Variants in RNFT2 observed in about 807,000 individuals in gnomAD.
The protein encoded by RNFT2 is E3 ubiquitin-protein ligase RNFT2.
A neutral mutation model predicts 53.0 loss-of-function variants in RNFT2; 36 were observed. The ratio of observed to expected loss-of-function variants is 0.68; its 90% confidence interval spans 0.52 to 0.90. The LOEUF is 0.90. RNFT2 is among the 40% of genes least tolerant of loss of function. The probability of loss-of-function intolerance (pLI) is 0.00; values close to 1 mark genes in which losing one functional copy is unlikely to be tolerated. For missense variants in RNFT2, 514 were observed against 585.6 expected, an observed-to-expected ratio of 0.88 and a Z score of 1.26; for synonymous variants, 260 against 253.2, an observed-to-expected ratio of 1.03 and a Z score of -0.26.
intron 7 of RNFT2, among the ~76,000 whole-genome samples, chr12:116,790,267 T>C (rs1874173696): frequency 6.6e-6 from 1 of 152,196 alleles, no homozygotes; most frequent in Non-Finnish European, 1.5e-5. Flanking sequence ...TGTTAAGCAA[T>C]GCCATTTGTT....
At chr12:116,746,973 G>C (rs887252208) in intron 3 of RNFT2, among the ~76,000 whole-genome samples, 10 of 152,216 alleles carry the variant, frequency 6.6e-5, no homozygotes, top group Non-Finnish European at 4.4e-5. Context: ...TCAGCCTTTT[G>C]TATCTGTGGG....
intron 7 of RNFT2, among the ~76,000 whole-genome samples, chr12:116,805,921 A>T (rs1316105463): frequency 2.0e-5 from 3 of 152,244 alleles, no homozygotes; most frequent in Non-Finnish European, 4.4e-5. Flanking sequence ...AGATGTTAAC[A>T]ACATTTACAA....
intron 10 of RNFT2, among the ~76,000 whole-genome samples, chr12:116,839,294 T>C (rs1346346045): frequency 6.6e-6 from 1 of 151,190 alleles, no homozygotes; most frequent in Non-Finnish European, 1.5e-5. Context: ...CAGTAAATAT[T>C]GGATGGATGG....
chr12:116,759,572 T>A (rs1252504916), intron 5 of RNFT2, among the ~76,000 whole-genome samples: 2 of 152,122 alleles, frequency 1.3e-5, no homozygotes, highest in Non-Finnish European at 2.9e-5. Context: ...TTGGTACTCT[T>A]CCCCCTTTTC....
intron 5 of RNFT2, among the ~76,000 whole-genome samples, chr12:116,756,498 G>A (rs927554229): frequency 6.6e-6 from 1 of 152,072 alleles, no homozygotes; most frequent in African/African-American, 2.4e-5. Flanking sequence ...ACTAAGGTAT[G>A]TCCCTTGTAT....
chr12:116,760,205 A>G (rs1336927484), intron 5 of RNFT2, among the ~76,000 whole-genome samples: 1 of 152,128 alleles, frequency 6.6e-6, no homozygotes, highest in African/African-American at 2.4e-5. Context: ...CATGCCCACC[A>G]CAACAGCCCC....
chr12:116,836,149 A>G (rs1248578549), intron 9 of RNFT2, 32 bp from the exon 10 acceptor site: 9 of 1,591,816 alleles, frequency 5.7e-6, no homozygotes, highest in South Asian at 1.1e-5. Context: ...AAGGGCGCCC[A>G]TAGCTGTATT....
At chr12:116,835,807 G>C (rs1565874227) in intron 8 of RNFT2, among the ~76,000 whole-genome samples, 153 bp from the exon 9 acceptor site, 1 of 152,246 alleles carries the variant, frequency 6.6e-6, no homozygotes, top group African/African-American at 2.4e-5. Flanking sequence ...ATGCAACACT[G>C]TTGGGAAGGA....
chr12:116,777,413 G>A (rs1873485820), intron 6 of RNFT2, among the ~76,000 whole-genome samples: 1 of 152,160 alleles, frequency 6.6e-6, no homozygotes, highest in Non-Finnish European at 1.5e-5. Context: ...CTTCACCAGT[G>A]CCAGTTTGAG....
chr12:116,789,470 ATGGGTAAATGGGAGGAGAG>A, intron 7 of RNFT2, among the ~76,000 whole-genome samples: 1 of 140,060 alleles, frequency 7.1e-6, no homozygotes. Flanking sequence ...GGATGGGTGG[ATGGGTAAATGGGAGGAGAG>A]TGGATGGGTG....
chr12:116,837,667 A>G (rs903276388), intron 10 of RNFT2, among the ~76,000 whole-genome samples: 1 of 152,230 alleles, frequency 6.6e-6, no homozygotes, highest in East Asian at 1.9e-4. Flanking sequence ...GACTAAACAC[A>G]GTCTGGGACC....
In RNFT2 at chr12:116,851,597, G is replaced by A. The variant is rs1032290047; in HGVS notation, c.*2149G>A. 63 of 597,994 alleles carry A rather than the reference G, an allele frequency of 1.1e-4. No homozygotes were observed. In the East Asian group the frequency reaches 1.3e-3, roughly 12 times the overall value. The allele number at this position is 597,994 out of a possible 1,614,324, so 37.0% of individuals were successfully genotyped here. ...TTACTAAAAAATACAAAAATTAGCC[G>A]GGCGCGGTGGCGGGTGCCTGTAATC... On this transcript the variant is annotated 3_prime_UTR_variant, in exon 11 of 11. Coordinates refer to ENST00000257575, the MANE Select transcript of RNFT2 (RefSeq NM_001382266.1).
At chr12:116,796,053 C>T (rs564622976) in intron 7 of RNFT2, among the ~76,000 whole-genome samples, 38 of 152,150 alleles carry the variant, frequency 2.5e-4, no homozygotes, top group African/African-American at 9.2e-4. Context: ...ATATTACAGG[C>T]GCCCACCACC....
At chr12:116,797,130 G>A (rs1874538400) in intron 7 of RNFT2, among the ~76,000 whole-genome samples, 1 of 152,216 alleles carries the variant, frequency 6.6e-6, no homozygotes, top group African/African-American at 2.4e-5. Context: ...GTGCCTTATG[G>A]AACTGGGTCA....
rs1344273127 is a variant in RNFT2, at chr12:116,852,060, AC to A, written c.*2614del. 2 of 1,139,720 alleles carry A rather than the reference AC, an allele frequency of 1.8e-6. No individual in the cohort carries two copies. Among genetic ancestry groups the A allele is most frequent in the Non-Finnish European group, 2.4e-6 (2 of 833,864 alleles). The allele number at this position is 1,139,720 out of a possible 1,614,324, so 70.6% of individuals were successfully genotyped here. The stretch of plus-strand genomic sequence containing the variant: ...ATCTCTATGACAGAGCCACTTCTCC[AC>A]CTCTGAAATGTTCCCTGCTCTGAAA... On this transcript the variant is annotated 3_prime_UTR_variant, in exon 11 of 11. Transcript: ENST00000257575.
At chr12:116,843,348 C>T (rs752982462) in intron 10 of RNFT2, among the ~76,000 whole-genome samples, 2 of 151,958 alleles carry the variant, frequency 1.3e-5, no homozygotes, top group African/African-American at 2.4e-5. Context: ...CAAAAATTAG[C>T]TGGGTGCCAT....
intron 10 of RNFT2, among the ~76,000 whole-genome samples, chr12:116,841,064 G>T (rs1427487613): frequency 6.6e-6 from 1 of 152,052 alleles, no homozygotes; most frequent in South Asian, 2.1e-4. Flanking sequence ...GATGCTTTTA[G>T]TATCAGTTAT....
chr12:116,821,695 A>G (rs1229613239), intron 7 of RNFT2, among the ~76,000 whole-genome samples: 1 of 141,244 alleles, frequency 7.1e-6, no homozygotes, highest in African/African-American at 2.7e-5. Flanking sequence ...CCTCCTGCTT[A>G]TTTTTCCACA....
intron 6 of RNFT2, among the ~76,000 whole-genome samples, chr12:116,771,562 A>G (rs553462846): frequency 6.7e-6 from 1 of 148,820 alleles, no homozygotes; most frequent in South Asian, 2.1e-4. Flanking sequence ...TTTGTAATGG[A>G]CACTTTTTTT....
Sources: gnomAD v4.1 joint callset for allele counts (sites outside exome capture counted in the v4.1 genomes callset) on GRCh38, gnomAD v4.1.1 for gene constraint, MANE v1.5 for transcripts, NCBI Gene and HGNC (gene_info 2026-07-23, HGNC 2026-07-21) for gene names.